Variants in MTMR1 observed in about 807,000 individuals in gnomAD.
The protein encoded by MTMR1 is myotubularin related protein 1, also known as phosphatidylinositol-3-phosphate phosphatase MTMR1.
MTMR1 carries 17 observed loss-of-function variants against 51.6 expected under a neutral mutation model. That is an observed-to-expected ratio of 0.33 (90% CI 0.23 to 0.49). The LOEUF (loss-of-function observed/expected upper bound fraction) is 0.49, where lower values mean the gene tolerates loss of function less well. Ranked by LOEUF, MTMR1 falls within the 20% of genes least tolerant of loss-of-function variation. The pLI is 0.99. For missense variants in MTMR1, 386 were observed against 526.9 expected (o/e 0.73, Z 2.62); for synonymous variants, 201 against 205.6 (o/e 0.98, Z 0.19).
intron 4 of MTMR1, among the ~76,000 whole-genome samples, chrX:150,719,166 A>G (rs2041662398): frequency 1.8e-5 from 2 of 111,895 alleles, no homozygotes; most frequent in South Asian, 7.4e-4. Context: ...AGGTGATGGC[A>G]TGAGGCCTCC....
At chrX:150,731,794 TTG>T (rs2042125184) in intron 9 of MTMR1, among the ~76,000 whole-genome samples, 175 bp downstream of exon 9, 1 of 112,107 alleles carries the variant, frequency 8.9e-6, no homozygotes, top group African/African-American at 3.2e-5. Context: ...AACAATCTGT[TTG>T]CTATGACTCC....
chrX:150,753,451 A>C (rs782483823), intron 14 of MTMR1, among the ~76,000 whole-genome samples: 79 of 112,274 alleles, frequency 7.0e-4, no homozygotes, highest in Non-Finnish European at 1.4e-3. Flanking sequence ...TGAGGCTTCC[A>C]ATTTCTCCAC....
chrX:150,733,801 C>T (rs1557417076), intron 10 of MTMR1, among the ~76,000 whole-genome samples: 1 of 111,404 alleles, frequency 9.0e-6, no homozygotes, highest in African/African-American at 3.3e-5. Context: ...AGTGCATCCT[C>T]AGGGCACAGT....
At chrX:150,752,653 G>C (rs1327916963) in intron 14 of MTMR1, among the ~76,000 whole-genome samples, 5 of 96,146 alleles carry the variant, frequency 5.2e-5, no homozygotes, top group Non-Finnish European at 1.0e-4. Context: ...TTTTTTGAGA[G>C]GGGGAGTGCA....
At chrX:150,715,718 G>T (rs782311550) in intron 3 of MTMR1, among the ~76,000 whole-genome samples, 4 of 112,597 alleles carry the variant, frequency 3.6e-5, no homozygotes, top group Admixed American at 2.8e-4. Flanking sequence ...TTTTACAAAA[G>T]GAATCTCCTA....
At chrX:150,754,773 C>T (rs2042852994) in intron 14 of MTMR1, among the ~76,000 whole-genome samples, 1 of 111,407 alleles carries the variant, frequency 9.0e-6, no homozygotes, top group Non-Finnish European at 1.9e-5. Context: ...CCTGTAATCC[C>T]AGCACTCTGG....
Position 150,727,775 on chromosome X carries a change from T to C in MTMR1, c.539T>C (p.Ile180Thr), listed in dbSNP as rs2041987691. 7 of 1,204,729 alleles carry C rather than the reference T, an allele frequency of 5.8e-6. No individual in the cohort carries two copies. The highest frequency in any genetic ancestry group is 1.8e-5 in the African/African-American group (1 of 57,036). ...AGCCATGGAGACAATTCCTGTGGTA[T>C]AGAGATAGTGTGCAAGGTATAATAG... ...AQSHGDNSCG[I>T]EIVCKDMRNL... The change falls in exon 6 of 16, where the codon ATA becomes ACA. Residue 180 changes from isoleucine (I) to threonine (T), a missense_variant. Coordinates refer to ENST00000445323, the MANE Select transcript of MTMR1 (RefSeq NM_001306144.3).
At chrX:150,761,081 T>C (rs1345729493) in intron 15 of MTMR1, among the ~76,000 whole-genome samples, 1 of 111,595 alleles carries the variant, frequency 9.0e-6, no homozygotes, top group East Asian at 2.8e-4. Flanking sequence ...TGCTTCTTGC[T>C]GAGGTCACAT....
intron 14 of MTMR1, among the ~76,000 whole-genome samples, chrX:150,754,953 G>A (rs933213680): frequency 5.6e-5 from 6 of 107,838 alleles, no homozygotes; most frequent in Non-Finnish European, 1.2e-4. Flanking sequence ...TTGAACCCGG[G>A]AGGCAGACAT....
chrX:150,742,506 A>G (rs1201751731), intron 12 of MTMR1, among the ~76,000 whole-genome samples: 1 of 111,646 alleles, frequency 9.0e-6, no homozygotes, highest in Non-Finnish European at 1.9e-5. Context: ...GTGCTATAAC[A>G]TGGATGAACC....
intron 2 of MTMR1, among the ~76,000 whole-genome samples, chrX:150,707,240 A>G (rs1320595519): frequency 8.9e-6 from 1 of 112,268 alleles, no homozygotes; most frequent in Non-Finnish European, 1.9e-5. Context: ...AAAGGAAAAA[A>G]TTGATCAAAA....
At chrX:150,740,326 C>G (rs1273149836) in intron 12 of MTMR1, among the ~76,000 whole-genome samples, 1 of 111,881 alleles carries the variant, frequency 8.9e-6, no homozygotes, top group Non-Finnish European at 1.9e-5. Context: ...TTTATTTGGC[C>G]TGAGCATTCG....
chrX:150,727,990 G>A (rs2041994994), intron 6 of MTMR1, among the ~76,000 whole-genome samples, 199 bp downstream of exon 6: 1 of 111,048 alleles, frequency 9.0e-6, no homozygotes, highest in Non-Finnish European at 1.9e-5. Context: ...CTTTTCCATC[G>A]AAGTCCAATT....
intron 1 of MTMR1, among the ~76,000 whole-genome samples, chrX:150,698,587 A>G (rs2040766546): frequency 1.8e-5 from 2 of 110,102 alleles, no homozygotes; most frequent in Non-Finnish European, 3.8e-5. Context: ...CTGTAATCCT[A>G]GCACTTTGGG....
At chrX:150,733,382 C>T (rs781882344) in intron 10 of MTMR1, among the ~76,000 whole-genome samples, 4 of 111,530 alleles carry the variant, frequency 3.6e-5, no homozygotes, top group South Asian at 7.6e-4. Context: ...TCTGATGACA[C>T]GGCTTTAAAC....
At position 150,693,424 on chromosome X, in the gene MTMR1, C is replaced by T; in HGVS notation, c.-107C>T. ...AGCTAATGGCGGCGGCCGCCTGAGG[C>T]GGGCGGGCGGTATAGAGCGGGCGGC... On this transcript the variant is annotated 5_prime_UTR_variant, in exon 1 of 16. Transcript: ENST00000445323. 1.3e-6 allele frequency: 1 copy of T among 747,352 alleles called. No individual in the cohort carries two copies. Among genetic ancestry groups the T allele is most frequent in the Non-Finnish European group, 1.6e-6 (1 of 633,401 alleles). The allele number at this position is 747,352 out of a possible 1,213,427, so 61.6% of individuals were successfully genotyped here.
intron 15 of MTMR1, among the ~76,000 whole-genome samples, chrX:150,757,957 G>C (rs1557417821): frequency 9.0e-6 from 1 of 111,063 alleles, no homozygotes; most frequent in Non-Finnish European, 1.9e-5. Flanking sequence ...ATACTGCACC[G>C]GCCTGTTTGC....
chrX:150,738,663 C>T (rs1197166083), intron 12 of MTMR1, among the ~76,000 whole-genome samples: 1 of 111,116 alleles, frequency 9.0e-6, no homozygotes, highest in African/African-American at 3.3e-5. Flanking sequence ...CCTGCTGTCT[C>T]TCTGGGTGGC....
At chrX:150,760,695 G>A (rs926665052) in intron 15 of MTMR1, among the ~76,000 whole-genome samples, 6 of 111,689 alleles carry the variant, frequency 5.4e-5, no homozygotes, top group Middle Eastern at 4.3e-3. Context: ...AGGCCAAGGC[G>A]GGCAGATCAC....
Sources: gnomAD v4.1 joint callset for allele counts (sites outside exome capture counted in the v4.1 genomes callset) on GRCh38, gnomAD v4.1.1 for gene constraint, MANE v1.5 for transcripts, NCBI Gene and HGNC (gene_info 2026-07-23, HGNC 2026-07-21) for gene names.